CCSER1: variants seen among roughly 807,000 people sequenced by gnomAD.
CCSER1 encodes coiled-coil serine rich protein 1.
A neutral mutation model predicts 82.0 loss-of-function variants in CCSER1; 41 were observed. The ratio of observed to expected loss-of-function variants is 0.50; its 90% CI spans 0.39 to 0.65. CCSER1 has a LOEUF of 0.65. Among genes scored for constraint, CCSER1 ranks in the 30% least tolerant of loss-of-function variants. The pLI, the probability that CCSER1 is intolerant of heterozygous loss-of-function variation, is 0.00. For missense variants in CCSER1, 1,119 were observed against 1,064.2 expected, an observed-to-expected ratio of 1.05 and a Z score of -0.72; for synonymous variants, 414 against 383.9, an observed-to-expected ratio of 1.08 and a Z score of -0.92.
At chr4:90,547,882 T>C (rs9994737) in intron 5 of CCSER1, among the ~76,000 whole-genome samples, 32,935 of 152,108 alleles carry the variant, frequency 0.22, 4,483 homozygotes, top group African/African-American at 0.38. Context: ...TATATAACAG[T>C]GGCAAAATAT....
intron 5 of CCSER1, among the ~76,000 whole-genome samples, chr4:90,604,980 G>A (rs989142676): frequency 1.3e-5 from 2 of 150,006 alleles, no homozygotes; most frequent in Non-Finnish European, 1.5e-5. Flanking sequence ...GCCCCAGCCA[G>A]CAGCGGCAAC....
At chr4:90,215,310 C>A (rs571693515) in intron 1 of CCSER1, among the ~76,000 whole-genome samples, 1 of 152,290 alleles carries the variant, frequency 6.6e-6, no homozygotes, top group East Asian at 1.9e-4. Flanking sequence ...AAAAGGTTTT[C>A]AAAGTGTCTT....
chr4:91,163,438 C>T (rs1433245527), intron 10 of CCSER1, among the ~76,000 whole-genome samples: 1 of 151,866 alleles, frequency 6.6e-6, no homozygotes, highest in Non-Finnish European at 1.5e-5. Flanking sequence ...CTGTAGATGT[C>T]TATTAGGTCT....
At chr4:91,156,999 C>A (rs189179311) in intron 10 of CCSER1, among the ~76,000 whole-genome samples, 1 of 152,076 alleles carries the variant, frequency 6.6e-6, no homozygotes, top group Admixed American at 6.5e-5. Context: ...ATTTACTCTT[C>A]AATCTCATTG....
chr4:90,817,934 T>C (rs1482423427), intron 8 of CCSER1, among the ~76,000 whole-genome samples: 1 of 152,124 alleles, frequency 6.6e-6, no homozygotes, highest in Non-Finnish European at 1.5e-5. Context: ...CATTGAAAAT[T>C]TCAAAAAATT....
chr4:91,159,619 G>A (rs1401665014), intron 10 of CCSER1, among the ~76,000 whole-genome samples: 1 of 151,756 alleles, frequency 6.6e-6, no homozygotes, highest in Non-Finnish European at 1.5e-5. Flanking sequence ...TTCTAATTGG[G>A]AATAAATATT....
chr4:91,440,075 G>C (rs1045937885), intron 10 of CCSER1, among the ~76,000 whole-genome samples: 71 of 152,008 alleles, frequency 4.7e-4, no homozygotes, highest in African/African-American at 1.7e-3. Flanking sequence ...AAGTTAACAA[G>C]GATACCCAGG....
intron 9 of CCSER1, among the ~76,000 whole-genome samples, chr4:90,991,271 T>C (rs1193982716): frequency 3.9e-5 from 6 of 152,114 alleles, no homozygotes; most frequent in Admixed American, 3.9e-4. Context: ...TGTATTAATT[T>C]TCTAGAGATG....
At chr4:91,367,153 GA>G (rs1749674917) in intron 10 of CCSER1, among the ~76,000 whole-genome samples, 1 of 136,094 alleles carries the variant, frequency 7.3e-6, no homozygotes, top group Non-Finnish European at 1.6e-5. Flanking sequence ...AAAAAAAAGA[GA>G]AAAAAATGCA....
At chr4:90,466,080 T>C in intron 4 of CCSER1, among the ~76,000 whole-genome samples, 1 of 152,224 alleles carries the variant, frequency 6.6e-6, no homozygotes, top group African/African-American at 2.4e-5. Flanking sequence ...CCTTAATTTT[T>C]ATTTACTGGG....
intron 10 of CCSER1, among the ~76,000 whole-genome samples, chr4:91,559,201 A>G (rs1159788812): frequency 6.6e-6 from 1 of 151,600 alleles, no homozygotes; most frequent in Non-Finnish European, 1.5e-5. Flanking sequence ...ACATAGAGTT[A>G]AAGTCAGTGT....
intron 7 of CCSER1, chr4:90,727,094 C>T: frequency 5.7e-6 from 2 of 351,096 alleles, no homozygotes; most frequent in Non-Finnish European, 1.1e-5. Flanking sequence ...CAAAAAGTTT[C>T]TTTTATAAGA....
chr4:90,162,491 TA>T lies in CCSER1; in HGVS notation c.-42+34662del, dbSNP rs1266237370. On this transcript the variant is annotated intron_variant, in intron 1 of 10. Coordinates refer to ENST00000509176, the MANE Select transcript of CCSER1 (RefSeq NM_001145065.2). ...TACTTATCCCACTGTATGTAAAAGT[TA>T]ACGTAACATAATGGATTAAGTGTTT... 9.9e-5 allele frequency among the ~76,000 whole-genome samples: 15 copies of T among 152,196 alleles called. 1 individual carries two copies.
At chr4:91,408,905 T>C (rs748280775) in intron 10 of CCSER1, among the ~76,000 whole-genome samples, 1 of 152,166 alleles carries the variant, frequency 6.6e-6, no homozygotes, top group Non-Finnish European at 1.5e-5. Flanking sequence ...ACTCCTGTAT[T>C]TTATCTAGAA....
intron 5 of CCSER1, among the ~76,000 whole-genome samples, chr4:90,614,790 A>G (rs1404325295): frequency 1.3e-5 from 2 of 152,226 alleles, no homozygotes; most frequent in African/African-American, 4.8e-5. Flanking sequence ...ATGTAGAAGC[A>G]CAGAAAGTTA....
intron 10 of CCSER1, among the ~76,000 whole-genome samples, chr4:91,196,178 C>CAAAAAAAAAAAAAAAAAAAA (rs61336014): frequency 1.6e-5 from 1 of 60,824 alleles, no homozygotes; most frequent in Non-Finnish European, 4.3e-5. Flanking sequence ...AACAGCGAGA[C>CAAAAAAAAAAAAAAAAAAAA]AAAAAAAAAA....
chr4:91,302,841 T>A (rs1744776358), intron 10 of CCSER1, among the ~76,000 whole-genome samples: 1 of 151,464 alleles, frequency 6.6e-6, no homozygotes, highest in South Asian at 2.1e-4. Flanking sequence ...TGTAAATCGG[T>A]GCAAATTTTA....
intron 3 of CCSER1, among the ~76,000 whole-genome samples, chr4:90,318,632 G>T (rs1296577286): frequency 1.3e-5 from 2 of 152,154 alleles, no homozygotes; most frequent in African/African-American, 4.8e-5. Flanking sequence ...ATGTTGAACT[G>T]CAGAATTTAC....
At chr4:90,695,284 G>A (rs1020441547) in intron 6 of CCSER1, among the ~76,000 whole-genome samples, 2 of 151,608 alleles carry the variant, frequency 1.3e-5, no homozygotes, top group African/African-American at 4.8e-5. Context: ...GTGACTTGGG[G>A]GACTAAAGAA....
Sources: allele counts gnomAD v4.1 joint callset (sites outside exome capture counted in the v4.1 genomes callset), GRCh38; gene constraint gnomAD v4.1.1; transcripts MANE v1.5; gene names NCBI Gene and HGNC (gene_info 2026-07-23, HGNC 2026-07-21).